Variants in OTOF observed in about 807,000 individuals in gnomAD.
OTOF encodes the protein fer-1-like family member 2.
OTOF carries 218 observed loss-of-function variants against 236.8 expected under a neutral mutation model. The ratio of observed to expected loss-of-function variants is 0.92; its 90% CI spans 0.82 to 1.03. The LOEUF is 1.03. OTOF is among the 50% of genes least tolerant of loss of function. OTOF has a pLI of 0.00. For missense variants in OTOF, 2,590 were observed against 2,694.4 expected (o/e 0.96, Z 0.86); for synonymous variants, 1,041 against 1,072.5 (o/e 0.97, Z 0.57).
In OTOF at chr2:26,460,783, C is replaced by T. The variant is rs376462862; in HGVS notation, c.5713-36G>A. 1.1e-5 allele frequency: 18 copies of T among 1,612,474 alleles called. No individual in the cohort carries two copies. The highest frequency in any genetic ancestry group is 2.2e-5 in the East Asian group (1 of 44,872). ...CAGACAGGTCCCAGCGTCCAGGCTG[C>T]GTGCTGGGCCCTTGGCACCCCAGCC... On this transcript the variant is annotated intron_variant, in intron 44 of 46. Coordinates refer to ENST00000272371, the MANE Select transcript of OTOF (RefSeq NM_194248.3). This position sits in a 1 kb window ranked among gnomAD's most constrained non-coding sequence, Gnocchi z 5.3.
rs762442956 is a variant in OTOF at position 26,475,948 on chromosome 2, C to T, written c.2957G>A (p.Arg986His). 9.3e-6 allele frequency: 15 copies of T among 1,611,108 alleles called. No homozygotes were observed. Among genetic ancestry groups the T allele is most frequent in the African/African-American group, 4.0e-5 (3 of 74,864 alleles). ...CTGACTCTGATTGATGAAGAAGACG[C>T]GGGCAAAGGGGTCTGAGAGTCCGCT... ...DSSGLSDPFA[R>H]VFFINQSQCT... is the part of the protein sequence containing the mutation. The change falls in exon 24 of 47, where the codon CGC becomes CAC. Residue 986 changes from arginine to histidine, a missense_variant. Physicochemically the swap from Arg to His is conservative, Grantham distance 29. Transcript: ENST00000272371.
At chr2:26,494,856 C>T (rs1404098567) in intron 9 of OTOF, 86 bp downstream of exon 9, 1 of 1,534,394 alleles carries the variant, frequency 6.5e-7, no homozygotes, top group African/African-American at 1.4e-5. Context: ...TCCTTGACTT[C>T]CAGCCACTCC....
At chr2:26,513,208 T>C (rs1666433037) in intron 5 of OTOF, among the ~76,000 whole-genome samples, 1 of 152,102 alleles carries the variant, frequency 6.6e-6, no homozygotes, top group Non-Finnish European at 1.5e-5. Flanking sequence ...TCATGGCAGA[T>C]TCTTAGGGTC....
At position 26,464,891 on chromosome 2, in the gene OTOF, G is replaced by A. The variant is rs1369548341; in HGVS notation, c.4938C>T (p.Pro1646=). 4 of 1,602,326 alleles carry A rather than the reference G, an allele frequency of 2.5e-6. No individual in the cohort carries two copies. The highest frequency in any genetic ancestry group is 3.4e-6 in the Non-Finnish European group (4 of 1,174,102). The change falls in exon 39 of 47, where the codon CCC becomes CCT. Residue 1646 remains proline (P), a synonymous_variant. Transcript: ENST00000272371. ...TACCGTTCTCGTCCTCAATCTCAGA[G>A]GGCCCAGTGAAGACGCGGTTGGCCA... The part of the protein sequence containing the change: ...VKVANRVFTG[P]SEIEDENGQR...
At chr2:26,499,028 G>T (rs1433877645) in intron 8 of OTOF, among the ~76,000 whole-genome samples, 1 of 152,132 alleles carries the variant, frequency 6.6e-6, no homozygotes, top group African/African-American at 2.4e-5. Flanking sequence ...AGTGGCAGGG[G>T]CATGAAATGG....
intron 4 of OTOF, among the ~76,000 whole-genome samples, chr2:26,517,934 T>C (rs1666576534): frequency 6.6e-6 from 1 of 152,204 alleles, no homozygotes; most frequent in Non-Finnish European, 1.5e-5. Flanking sequence ...GGTTTCTGTG[T>C]TCTCCTCCCA....
At position 26,473,240 on chromosome 2, in the gene OTOF, A is replaced by C; in HGVS notation, c.3625T>G (p.Cys1209Gly). 6.2e-7 allele frequency: 1 copy of C among 1,613,416 alleles called. No homozygotes were observed. The highest frequency in any genetic ancestry group is 8.5e-7 in the Non-Finnish European group (1 of 1,179,978). The change falls in exon 29 of 47, where the codon TGC becomes GGC. Residue 1209 changes from cysteine (C) to glycine (G), a missense_variant. Physicochemically the swap from Cys to Gly is radical, Grantham distance 159. Transcript: ENST00000272371. The surrounding 1 kb of genome is among the most constrained non-coding windows in gnomAD (Gnocchi z 7.2). ...AGTGTGTAGCGACCGAAGGCCCGGC[A>C]GTCCACCACACGGATGTTCAAGGGC... Reference protein sequence around the residue: ...HPPLNIRVVDCRAFGRYTLVG... With the variant: ...HPPLNIRVVDGRAFGRYTLVG...
chr2:26,491,835 G>A (rs1665850146), intron 9 of OTOF, among the ~76,000 whole-genome samples: 1 of 152,254 alleles, frequency 6.6e-6, no homozygotes, highest in Non-Finnish European at 1.5e-5. Context: ...AGCCCCAGGG[G>A]AGCGAGCTAG....
rs55886964 is a variant in OTOF at position 26,495,076 on chromosome 2, G to A, written c.766-3C>T. 54,969 of 1,613,976 alleles carry A rather than the reference G, an allele frequency of 0.034. 1,120 individuals carry two copies. The highest frequency in any genetic ancestry group is 0.05 in the South Asian group (4,583 of 91,088). On this transcript the variant is annotated splice_region_variant and splice_polypyrimidine_tract_variant and intron_variant, in intron 8 of 46. Transcript: ENST00000272371. ...GCCTCGATCACCGTGATGCTGACCT[G>A]CAGGCAGGAGAAGGGGGAGCCAGAA...
chr2:26,558,060 T>C (rs990436123), intron 1 of OTOF, among the ~76,000 whole-genome samples: 1 of 151,982 alleles, frequency 6.6e-6, no homozygotes, highest in Non-Finnish European at 1.5e-5. Flanking sequence ...AGCTACTGGC[T>C]GCCTGGTTTC....
Position 26,460,675 on chromosome 2 carries a change from T to C in OTOF, c.5785A>G (p.Asn1929Asp), listed in dbSNP as rs896148523. The C allele has an allele frequency of 6.2e-7, 1 of 1,614,060 alleles. No homozygotes were observed. The highest frequency in any genetic ancestry group is 2.2e-5 in the East Asian group (1 of 44,846). The change falls in exon 45 of 47, where the codon AAT becomes GAT. Residue 1929 changes from asparagine (N) to aspartate (D), a missense_variant. Transcript: ENST00000272371. This position sits in a 1 kb window ranked among gnomAD's most constrained non-coding sequence, Gnocchi z 5.3. ...AEKNPVGLAR[N>D]EPDPLEKPNR... ...GGTTTCTCTAGGGGGTCAGGTTCAT[T>C]GCGGGCCAGGCCCACTGGGTTCTTC...
At chr2:26,498,534 T>G (rs1379589407) in intron 8 of OTOF, among the ~76,000 whole-genome samples, 4 of 152,150 alleles carry the variant, frequency 2.6e-5, no homozygotes, top group African/African-American at 9.7e-5. Context: ...TCTCCAATCA[T>G]CAGCAGAGGA....
chr2:26,483,393 A>T, intron 13 of OTOF, 69 bp downstream of exon 13: 2 of 1,436,414 alleles, frequency 1.4e-6, no homozygotes, highest in South Asian at 2.3e-5. Context: ...CCCAGGCCCC[A>T]CACCCATCAG....
intron 14 of OTOF, among the ~76,000 whole-genome samples, chr2:26,481,600 A>C (rs4417678): frequency 0.22 from 33,102 of 152,080 alleles, 4,542 homozygotes; most frequent in South Asian, 0.34. Flanking sequence ...GCATTTTAAA[A>C]ATTTAGATAT....
In OTOF at chr2:26,480,945, C is replaced by T. The variant is rs796378968; in HGVS notation, c.1644G>A (p.Leu548=). Residue 548 remains leucine, a synonymous_variant, in exon 15 of 47, where the codon CTG becomes CTA. Transcript: ENST00000272371. ...NMYGSTRNYT[L]LDEHQDLNEG... is the part of the protein sequence containing the mutation. ...CGTTCAGGTCCTGATGCTCATCCAG[C>T]AGCGTGTAGTTACGTGTGGAGCCGT... 4 of 1,613,042 alleles carry T rather than the reference C, an allele frequency of 2.5e-6. No individual in the cohort carries two copies. In the African/African-American group the frequency reaches 5.3e-5, roughly 21 times the overall value.
At chr2:26,522,801 C>T (rs1164345320) in intron 3 of OTOF, among the ~76,000 whole-genome samples, 3 of 152,188 alleles carry the variant, frequency 2.0e-5, no homozygotes, top group Non-Finnish European at 4.4e-5. Flanking sequence ...GCCTCAGTTT[C>T]CCTGGGGCTG....
intron 1 of OTOF, 130 bp downstream of exon 1, chr2:26,558,363 C>A: frequency 1.3e-6 from 1 of 787,322 alleles, no homozygotes; most frequent in Non-Finnish European, 2.3e-6. Context: ...TGAAAAGGCT[C>A]GTCGCCCCAG....
At chr2:26,557,389 G>A (rs1054866141) in intron 1 of OTOF, among the ~76,000 whole-genome samples, 2 of 152,170 alleles carry the variant, frequency 1.3e-5, no homozygotes, top group Non-Finnish European at 2.9e-5. Context: ...CTCAGGGCTG[G>A]GCAGCAACCA....
intron 2 of OTOF, among the ~76,000 whole-genome samples, chr2:26,532,764 G>A (rs550403957): frequency 2.0e-5 from 3 of 152,214 alleles, no homozygotes; most frequent in African/African-American, 7.2e-5. Flanking sequence ...TGCTGGCCGG[G>A]GCACAGGGTT....
Sources: gnomAD v4.1 joint callset for allele counts (sites outside exome capture counted in the v4.1 genomes callset) on GRCh38, gnomAD v4.1.1 for gene constraint, Gnocchi (gnomAD v3.1) non-coding constraint, MANE v1.5 for transcripts, NCBI Gene and HGNC (gene_info 2026-07-23, HGNC 2026-07-21) for gene names.